Variants in ADAMTS17 observed in about 807,000 individuals in gnomAD.
ADAMTS17 encodes the protein A disintegrin and metalloproteinase with thrombospondin motifs 17.
Under a neutral mutation model 141.5 loss-of-function variants are expected in ADAMTS17, and 113 were observed. The ratio of observed to expected loss-of-function variants is 0.80; its 90% CI spans 0.69 to 0.93. The LOEUF (loss-of-function observed/expected upper bound fraction) is 0.93. ADAMTS17 is among the 40% of genes least tolerant of loss of function. The probability of loss-of-function intolerance (pLI) is 0.00; values close to 1 mark genes in which losing one functional copy is unlikely to be tolerated. For synonymous variants in ADAMTS17, 768 were observed against 630.6 expected (o/e 1.22, Z -3.27); for missense variants, 1,659 against 1,517.9 (o/e 1.09, Z -1.54).
intron 13 of ADAMTS17, among the ~76,000 whole-genome samples, chr15:100,111,455 G>A (rs932803939): frequency 3.9e-5 from 6 of 152,234 alleles, no homozygotes; most frequent in African/African-American, 9.6e-5. Flanking sequence ...AGATTAGCTC[G>A]AGGGAGCTTG....
At chr15:100,022,491 ACAAAAAGATT>A (rs1245730999) in intron 18 of ADAMTS17, among the ~76,000 whole-genome samples, 2 of 152,188 alleles carry the variant, frequency 1.3e-5, no homozygotes, top group Admixed American at 1.3e-4. Context: ...ATTTCACATC[ACAAAAAGATT>A]CAAACACCCC....
rs187798217 is a variant in ADAMTS17, at chr15:100,091,947, G to T, written c.2137+4409C>A. ...AGAACTCATTGTTTGGGAAACCCGT[G>T]AGGCTAGACTGTGCCTTGGTTCGCC... On this transcript the variant is annotated intron_variant, in intron 15 of 21. Coordinates refer to ENST00000268070, the MANE Select transcript of ADAMTS17 (RefSeq NM_139057.4). Among the ~76,000 whole-genome samples the T allele has an allele frequency of 2.8e-3, 428 of 152,298 alleles. 1 individual carries two copies. The highest frequency in any genetic ancestry group is 0.01 in the Middle Eastern group (3 of 294).
At chr15:100,136,617 C>T (rs2038347165) in intron 10 of ADAMTS17, among the ~76,000 whole-genome samples, 1 of 152,168 alleles carries the variant, frequency 6.6e-6, no homozygotes, top group South Asian at 2.1e-4. Flanking sequence ...CTATTTTTTC[C>T]ACTTTTCCAA....
intron 3 of ADAMTS17, among the ~76,000 whole-genome samples, chr15:100,305,579 C>G (rs1179239047): frequency 9.9e-5 from 15 of 152,238 alleles, no homozygotes; most frequent in Non-Finnish European, 1.5e-5. Flanking sequence ...CAGGCATCTG[C>G]CTACTCCATT....
intron 3 of ADAMTS17, among the ~76,000 whole-genome samples, chr15:100,295,183 C>T (rs911200965): frequency 6.6e-6 from 1 of 152,196 alleles, no homozygotes; most frequent in African/African-American, 2.4e-5. Flanking sequence ...TAGATATTCA[C>T]CCAGGCCTCA....
intron 10 of ADAMTS17, among the ~76,000 whole-genome samples, chr15:100,138,757 G>T (rs1274010015): frequency 6.6e-6 from 1 of 152,206 alleles, no homozygotes; most frequent in Non-Finnish European, 1.5e-5. Flanking sequence ...ATGCCATGTA[G>T]AATAAAGACA....
At chr15:100,185,681 G>A (rs150462075) in intron 8 of ADAMTS17, among the ~76,000 whole-genome samples, 2 of 152,130 alleles carry the variant, frequency 1.3e-5, no homozygotes, top group African/African-American at 4.8e-5. Context: ...CTCTGCTGTC[G>A]GGGGCTGCGC....
intron 3 of ADAMTS17, among the ~76,000 whole-genome samples, chr15:100,282,292 A>G (rs2044311565): frequency 6.6e-6 from 1 of 152,198 alleles, no homozygotes; most frequent in Admixed American, 6.5e-5. Flanking sequence ...CAGTCTACAT[A>G]TGCACCAACC....
At chr15:100,149,262 G>A (rs2039052902) in intron 10 of ADAMTS17, among the ~76,000 whole-genome samples, 1 of 152,218 alleles carries the variant, frequency 6.6e-6, no homozygotes, top group Non-Finnish European at 1.5e-5. Context: ...CCAAATCCTT[G>A]GTTCTCAAAG....
intron 18 of ADAMTS17, among the ~76,000 whole-genome samples, chr15:100,023,197 T>C (rs1257257010): frequency 6.6e-6 from 1 of 151,648 alleles, no homozygotes; most frequent in Non-Finnish European, 1.5e-5. Flanking sequence ...GTGAACAAAA[T>C]AAAAAAATTT....
chr15:100,306,216 T>C, intron 3 of ADAMTS17: 1 of 310,662 alleles, frequency 3.2e-6, no homozygotes, highest in Non-Finnish European at 6.4e-6. Context: ...CCAAATTCTT[T>C]GACATTGAGC....
At chr15:100,105,580 A>G (rs937893481) in intron 14 of ADAMTS17, among the ~76,000 whole-genome samples, 1 of 152,122 alleles carries the variant, frequency 6.6e-6, no homozygotes, top group Non-Finnish European at 1.5e-5. Flanking sequence ...TACCAACGTG[A>G]TAGTATTTGG....
At chr15:100,160,246 G>C (rs766884558) in intron 8 of ADAMTS17, among the ~76,000 whole-genome samples, 2 of 152,140 alleles carry the variant, frequency 1.3e-5, no homozygotes, top group Non-Finnish European at 2.9e-5. Context: ...CCCACCTCAG[G>C]TAATGAGAAC....
chr15:100,284,929 C>G (rs28588458), intron 3 of ADAMTS17, among the ~76,000 whole-genome samples: 2,681 of 152,298 alleles, frequency 0.018, 94 homozygotes, highest in African/African-American at 0.061. Flanking sequence ...AAGCTCTGCT[C>G]GTGACCAGCT....
chr15:100,107,917 C>T (rs186580041), intron 14 of ADAMTS17, among the ~76,000 whole-genome samples: 5 of 152,242 alleles, frequency 3.3e-5, no homozygotes, highest in Admixed American at 2.0e-4. Flanking sequence ...CAGCTTGACC[C>T]GAGTCACCAG....
chr15:100,215,067 C>T (rs1227777226), intron 7 of ADAMTS17, among the ~76,000 whole-genome samples: 2 of 152,218 alleles, frequency 1.3e-5, no homozygotes, highest in Non-Finnish European at 2.9e-5. Context: ...AAAAACATAA[C>T]AACCCAAGAA....
chr15:100,190,262 C>G (rs1567324949), intron 8 of ADAMTS17, among the ~76,000 whole-genome samples: 1 of 152,242 alleles, frequency 6.6e-6, no homozygotes, highest in Non-Finnish European at 1.5e-5. Context: ...GCTCTGATGT[C>G]AGGAACAAAG....
At chr15:100,260,100 CT>C (rs2043464236) in intron 6 of ADAMTS17, among the ~76,000 whole-genome samples, 1 of 152,090 alleles carries the variant, frequency 6.6e-6, no homozygotes, top group Non-Finnish European at 1.5e-5. Flanking sequence ...CCGCCTCAGC[CT>C]CCCAAAGTGC....
intron 10 of ADAMTS17, among the ~76,000 whole-genome samples, chr15:100,140,037 C>CT (rs1393502531): frequency 6.6e-6 from 1 of 152,032 alleles, no homozygotes; most frequent in African/African-American, 2.4e-5. Flanking sequence ...ACTCTGTCAC[C>CT]CAGGCTGGAG....
Sources: allele counts gnomAD v4.1 joint callset (sites outside exome capture counted in the v4.1 genomes callset), GRCh38; gene constraint gnomAD v4.1.1; transcripts MANE v1.5; gene names NCBI Gene and HGNC (gene_info 2026-07-23, HGNC 2026-07-21).